The following ASPH variants were observed in gnomAD, a reference collection of about 807,000 sequenced individuals.
The protein encoded by ASPH is aspartate beta-hydroxylase.
ASPH carries 100 observed loss-of-function variants against 118.4 expected under a neutral mutation model. That is an observed-to-expected ratio of 0.84 (90% CI 0.72 to 1.00). The LOEUF (loss-of-function observed/expected upper bound fraction) is 1.00, where lower values mean the gene tolerates loss of function less well. Ranked by LOEUF, ASPH falls within the 50% of genes least tolerant of loss-of-function variation. ASPH has a pLI of 0.00. For synonymous variants in ASPH, 315 were observed against 325.6 expected (o/e 0.97, Z 0.35); for missense variants, 920 against 919.5 (o/e 1.00, Z -0.01).
chr8:61,607,999 G>A (rs1846113226), intron 14 of ASPH, among the ~76,000 whole-genome samples: 1 of 152,126 alleles, frequency 6.6e-6, no homozygotes, highest in South Asian at 2.1e-4. Context: ...TGAGACAGTG[G>A]TCAAGTGGGT....
At chr8:61,517,756 AT>A in intron 23 of ASPH, 95 bp from the exon 24 acceptor site, 1 of 1,454,102 alleles carries the variant, frequency 6.9e-7, no homozygotes, top group Non-Finnish European at 9.4e-7. Context: ...GTCAGTTTGG[AT>A]TAGAGCCTTT....
At chr8:61,510,574 A>G (rs1808449185) in intron 24 of ASPH, among the ~76,000 whole-genome samples, 1 of 152,196 alleles carries the variant, frequency 6.6e-6, no homozygotes, top group Non-Finnish European at 1.5e-5. Context: ...TTGGAACATA[A>G]TCCATTTTCC....
chr8:61,671,134 G>A (rs920209552), intron 3 of ASPH, among the ~76,000 whole-genome samples: 39 of 152,078 alleles, frequency 2.6e-4, no homozygotes, highest in African/African-American at 8.4e-4. Flanking sequence ...ATTAGTTTGC[G>A]GGCATTAGAG....
chr8:61,584,013 A>T lies in ASPH; in HGVS notation c.993T>A (p.Pro331=). The T allele has an allele frequency of 6.4e-7, 1 of 1,554,446 alleles. No homozygotes were observed. The highest frequency in any genetic ancestry group is 8.7e-7 in the Non-Finnish European group (1 of 1,144,284). Residue 331 remains proline (P), a synonymous_variant, in exon 15 of 25, where the codon CCT becomes CCA. Coordinates refer to ENST00000379454, the MANE Select transcript of ASPH (RefSeq NM_004318.4). The part of the protein sequence containing the change: ...EQKAKVKKKK[P]KLLNKFDKTI... ...TCTTATCAAATTTATTTAAAAGTTTAGGCTTCTTTTTCTTAACTGAAAGAA... is the reference window on the plus strand; with the variant it reads ...TCTTATCAAATTTATTTAAAAGTTTTGGCTTCTTTTTCTTAACTGAAAGAA...
chr8:61,702,690 G>A (rs1043352060), intron 1 of ASPH, among the ~76,000 whole-genome samples: 2 of 152,086 alleles, frequency 1.3e-5, no homozygotes, highest in Non-Finnish European at 2.9e-5. Context: ...ACAAAACCAG[G>A]AAAGAAAATG....
At chr8:61,578,381 T>G (rs1015148264) in intron 15 of ASPH, 1 of 1,605,070 alleles carries the variant, frequency 6.2e-7, no homozygotes, top group Non-Finnish European at 8.5e-7. Context: ...GAGGCGGCTA[T>G]AGTGGGGCCA....
intron 21 of ASPH, among the ~76,000 whole-genome samples, 179 bp downstream of exon 21, chr8:61,547,892 T>A (rs189019450): frequency 7.2e-5 from 11 of 152,304 alleles, no homozygotes; most frequent in African/African-American, 2.4e-4. Flanking sequence ...ATTCCCTTCA[T>A]CATCTAAATG....
intron 3 of ASPH, chr8:61,661,123 GC>G (rs1275507721): frequency 6.6e-6 from 1 of 151,932 alleles, no homozygotes; most frequent in Non-Finnish European, 1.5e-5. Flanking sequence ...ATAATTATTT[GC>G]ATTTGCCCCC....
intron 24 of ASPH, among the ~76,000 whole-genome samples, chr8:61,507,246 A>AGATACATT (rs1806965245): frequency 6.6e-6 from 1 of 152,226 alleles, no homozygotes; most frequent in Non-Finnish European, 1.5e-5. Flanking sequence ...GCAGCTTTCC[A>AGATACATT]GATACATTAA....
intron 15 of ASPH, among the ~76,000 whole-genome samples, chr8:61,581,345 A>G (rs1435782600): frequency 6.6e-6 from 1 of 152,254 alleles, no homozygotes; most frequent in Admixed American, 6.5e-5. Context: ...TTGCCTGAAA[A>G]TGATCTGTTC....
At chr8:61,663,139 C>G (rs75791243) in intron 3 of ASPH, 7 of 985,246 alleles carry the variant, frequency 7.1e-6, no homozygotes, top group Non-Finnish European at 8.4e-6. Flanking sequence ...GTTTGAGAAT[C>G]GTGTAACTTT....
intron 22 of ASPH, among the ~76,000 whole-genome samples, chr8:61,524,120 A>G (rs981735643): frequency 6.6e-6 from 1 of 152,176 alleles, no homozygotes; most frequent in Non-Finnish European, 1.5e-5. Context: ...CAGATTGGAA[A>G]ACACATGCTC....
At chr8:61,711,990 T>G (rs576922916) in intron 1 of ASPH, among the ~76,000 whole-genome samples, 31 of 152,264 alleles carry the variant, frequency 2.0e-4, no homozygotes, top group Admixed American at 1.9e-3. Context: ...TCAACTCCAA[T>G]TACATACTAG....
intron 14 of ASPH, among the ~76,000 whole-genome samples, chr8:61,600,599 A>G (rs1464121322): frequency 3.3e-5 from 5 of 151,420 alleles, no homozygotes; most frequent in Non-Finnish European, 5.9e-5. Context: ...CAAGCTGAAA[A>G]GAAATCAAGA....
At chr8:61,523,524 T>A (rs1468750100) in intron 22 of ASPH, among the ~76,000 whole-genome samples, 3 of 151,804 alleles carry the variant, frequency 2.0e-5, no homozygotes, top group African/African-American at 7.3e-5. Context: ...ACCGTGTTGG[T>A]CAAGCTTGTC....
chr8:61,670,238 T>C (rs914323514), intron 3 of ASPH, among the ~76,000 whole-genome samples: 3 of 151,910 alleles, frequency 2.0e-5, no homozygotes, highest in Non-Finnish European at 2.9e-5. Flanking sequence ...AAAAAAATTT[T>C]TTTTTGTATC....
intron 24 of ASPH, among the ~76,000 whole-genome samples, chr8:61,511,607 T>C (rs1364678715): frequency 6.6e-6 from 1 of 152,182 alleles, no homozygotes; most frequent in Admixed American, 6.5e-5. Flanking sequence ...GCTAATGAGC[T>C]TATCTTTCTT....
chr8:61,706,457 G>GAAGGAGGAAGAGGAA (rs1563667395), intron 1 of ASPH, among the ~76,000 whole-genome samples: 41 of 126,964 alleles, frequency 3.2e-4, no homozygotes, highest in African/African-American at 1.2e-3. Context: ...AGAAGAAGAA[G>GAAGGAGGAAGAGGAA]GAGGAAGAGG....
intron 14 of ASPH, among the ~76,000 whole-genome samples, chr8:61,618,367 T>A (rs1447682849): frequency 6.6e-6 from 1 of 152,236 alleles, no homozygotes; most frequent in African/African-American, 2.4e-5. Context: ...TATTCTATGA[T>A]CATCCATATA....
Sources: gnomAD v4.1 joint callset for allele counts (sites outside exome capture counted in the v4.1 genomes callset) on GRCh38, gnomAD v4.1.1 for gene constraint, MANE v1.5 for transcripts, NCBI Gene and HGNC (gene_info 2026-07-23, HGNC 2026-07-21) for gene names.